Variants in SYT14 observed in about 807,000 individuals in gnomAD.
The protein encoded by SYT14 is synaptotagmin 14, also known as synaptotagmin-14.
SYT14 carries 32 observed loss-of-function variants against 74.2 expected under a neutral mutation model. The ratio of observed to expected loss-of-function variants is 0.43; its 90% CI spans 0.33 to 0.58. The LOEUF (loss-of-function observed/expected upper bound fraction) is 0.58. SYT14 is among the 20% of genes least tolerant of loss of function. The pLI is 0.05. For synonymous variants in SYT14, 298 were observed against 337.7 expected (o/e 0.88, Z 1.29); for missense variants, 791 against 981.8 (o/e 0.81, Z 2.60).
chr1:210,038,630 G>A (rs959022993), intron 5 of SYT14, among the ~76,000 whole-genome samples: 7 of 151,990 alleles, frequency 4.6e-5, no homozygotes, highest in African/African-American at 7.2e-5. Context: ...GATGAATTCC[G>A]TTAGCACTTT....
intron 1 of SYT14, among the ~76,000 whole-genome samples, chr1:209,940,557 A>G (rs1448514729): frequency 6.6e-6 from 1 of 152,200 alleles, no homozygotes; most frequent in Non-Finnish European, 1.5e-5. Context: ...TTGTATAAAA[A>G]CATTCAATGA....
exon 10 of SYT14, chr1:210,161,244 G>A: frequency 1.5e-6 from 1 of 683,584 alleles, no homozygotes; most frequent in Non-Finnish European, 2.7e-6. Flanking sequence ...AGCTTGTTTA[G>A]GAAACTGAGA....
At chr1:209,993,677 C>A (rs569359632) in intron 2 of SYT14, among the ~76,000 whole-genome samples, 10 of 152,072 alleles carry the variant, frequency 6.6e-5, no homozygotes, top group African/African-American at 2.4e-4. Context: ...GAACACCTAA[C>A]AAAAGAAACT....
chr1:209,950,833 A>G (rs2078899808), intron 1 of SYT14, among the ~76,000 whole-genome samples: 1 of 152,132 alleles, frequency 6.6e-6, no homozygotes, highest in Non-Finnish European at 1.5e-5. Flanking sequence ...ATGATTATTT[A>G]ATATTTTCAT....
intron 7 of SYT14, among the ~76,000 whole-genome samples, chr1:210,137,231 A>C (rs767659595): frequency 6.6e-5 from 10 of 152,174 alleles, no homozygotes; most frequent in Non-Finnish European, 1.2e-4. Flanking sequence ...CAGATTTGAA[A>C]GGTAAACTCG....
At chr1:209,960,871 TATAAG>T (rs761271896) in intron 2 of SYT14, among the ~76,000 whole-genome samples, 21 of 152,230 alleles carry the variant, frequency 1.4e-4, no homozygotes, top group South Asian at 6.2e-4. Flanking sequence ...ATAATACACT[TATAAG>T]AGAGTACAAG....
chr1:210,158,578 G>T (rs1201997866), intron 8 of SYT14, among the ~76,000 whole-genome samples: 2 of 152,120 alleles, frequency 1.3e-5, no homozygotes, highest in Admixed American at 6.5e-5. Context: ...CAACTAAAAG[G>T]GAGGTCTGGC....
At chr1:210,111,645 T>C (rs1166512772) in intron 7 of SYT14, among the ~76,000 whole-genome samples, 2 of 151,060 alleles carry the variant, frequency 1.3e-5, no homozygotes, top group Non-Finnish European at 2.9e-5. Flanking sequence ...GGTAATACTG[T>C]AGGGTTGTTA....
At chr1:210,021,934 C>T (rs777132712) in intron 5 of SYT14, among the ~76,000 whole-genome samples, 2 of 152,120 alleles carry the variant, frequency 1.3e-5, no homozygotes, top group African/African-American at 4.8e-5. Context: ...CATGTTTTTA[C>T]GTCTTTCTGT....
At chr1:210,127,572 A>T (rs765540606) in intron 7 of SYT14, among the ~76,000 whole-genome samples, 1 of 152,196 alleles carries the variant, frequency 6.6e-6, no homozygotes, top group Non-Finnish European at 1.5e-5. Context: ...GCAGGCAAAC[A>T]ACAGTGTTCA....
intron 2 of SYT14, among the ~76,000 whole-genome samples, chr1:209,993,187 G>A (rs2079724331): frequency 6.6e-6 from 1 of 152,132 alleles, no homozygotes; most frequent in Non-Finnish European, 1.5e-5. Context: ...TTCAGGAAGT[G>A]CCAGCCCCAA....
chr1:210,006,170 A>G (rs992080706), intron 2 of SYT14, among the ~76,000 whole-genome samples: 3 of 151,958 alleles, frequency 2.0e-5, no homozygotes, highest in African/African-American at 7.2e-5. Context: ...TTCTATCAGT[A>G]AATGCTCTTT....
intron 6 of SYT14, among the ~76,000 whole-genome samples, chr1:210,098,090 A>C (rs1371322656): frequency 6.6e-6 from 1 of 151,962 alleles, no homozygotes; most frequent in Non-Finnish European, 1.5e-5. Context: ...CAGGAGGATC[A>C]CTTGAGCATG....
exon 10 of SYT14, chr1:210,167,263 A>G (rs1042350426): frequency 1.3e-5 from 2 of 152,188 alleles, no homozygotes; most frequent in African/African-American, 2.4e-5. Flanking sequence ...TCCCTTTATC[A>G]TCATCTAAAT....
At chr1:210,084,418 G>A (rs1427333940) in intron 5 of SYT14, among the ~76,000 whole-genome samples, 2 of 152,186 alleles carry the variant, frequency 1.3e-5, no homozygotes, top group Admixed American at 1.3e-4. Context: ...GCAAGCCCAT[G>A]TATTTTTGTA....
At chr1:210,016,068 G>A in exon 4 of SYT14, 1 of 1,232,080 alleles carries the variant, frequency 8.1e-7, no homozygotes, top group Non-Finnish European at 1.0e-6. Context: ...GACACAATCA[G>A]TAGTGCTGTA....
chr1:210,039,166 ATTCT>A (rs1033349453), intron 5 of SYT14, among the ~76,000 whole-genome samples: 11 of 151,816 alleles, frequency 7.2e-5, no homozygotes, highest in Admixed American at 5.3e-4. Context: ...AAGCTCTGAG[ATTCT>A]TTCTTCTGCT....
chr1:210,093,943 T>G (rs1350060737), intron 5 of SYT14, among the ~76,000 whole-genome samples: 1 of 152,206 alleles, frequency 6.6e-6, no homozygotes, highest in African/African-American at 2.4e-5. Flanking sequence ...CCAACCATAT[T>G]TGTATCGCTT....
intron 2 of SYT14, among the ~76,000 whole-genome samples, chr1:209,997,745 CTGGG>C (rs1054779038): frequency 2.6e-5 from 4 of 152,036 alleles, no homozygotes; most frequent in Non-Finnish European, 5.9e-5. Context: ...TGCTCACTAC[CTGGG>C]TGCAATATAA....
Sources: allele counts gnomAD v4.1 joint callset (sites outside exome capture counted in the v4.1 genomes callset), GRCh38; gene constraint gnomAD v4.1.1; transcripts MANE v1.5; gene names NCBI Gene and HGNC (gene_info 2026-07-23, HGNC 2026-07-21).